The following EDA2R variants were observed in gnomAD, a reference collection of about 807,000 sequenced individuals.
The protein encoded by EDA2R is ectodysplasin A2 receptor, also known as tumor necrosis factor receptor superfamily member 27.
A neutral mutation model predicts 20.1 loss-of-function variants in EDA2R; 26 were observed. The ratio of observed to expected loss-of-function variants is 1.30; its 90% confidence interval spans 0.95 to 1.80. EDA2R has a LOEUF of 1.80. EDA2R is among the 40% of genes most tolerant of loss of function. The probability of loss-of-function intolerance (pLI) is 0.00; values close to 1 mark genes in which losing one functional copy is unlikely to be tolerated. For missense variants in EDA2R, 277 were observed against 228.7 expected (o/e 1.21, Z -1.36); for synonymous variants, 114 against 88.7 (o/e 1.29, Z -1.60).
Position 66,619,937 on chromosome X carries a change from A to G in EDA2R, c.-10-3907T>C, listed in dbSNP as rs924644915. ...TTACTGTGTACATGCCCATGTAAAC[A>G]CCACCCAAATAAATACACAGAACTT... On this transcript the variant is annotated intron_variant, in intron 1 of 6. Transcript: ENST00000374719. Among the ~76,000 whole-genome samples, 4 of 111,467 alleles carry G rather than the reference A, an allele frequency of 3.6e-5. No individual in the cohort carries two copies. The Admixed American group carries it at 3.8e-4, about 11-fold the overall frequency.
intron 2 of EDA2R, among the ~76,000 whole-genome samples, chrX:66,610,477 C>G (rs1930548556): frequency 9.0e-6 from 1 of 111,632 alleles, no homozygotes; most frequent in African/African-American, 3.3e-5. Flanking sequence ...GTGCCTGACT[C>G]CTCACTTACT....
At chrX:66,607,321 T>C (rs1004257274) in intron 2 of EDA2R, among the ~76,000 whole-genome samples, 1 of 112,326 alleles carries the variant, frequency 8.9e-6, no homozygotes, top group Non-Finnish European at 1.9e-5. Context: ...AAACATTAGC[T>C]GAACATGAGC....
At chrX:66,626,355 T>C (rs1337171103) in intron 1 of EDA2R, among the ~76,000 whole-genome samples, 1 of 111,552 alleles carries the variant, frequency 9.0e-6, no homozygotes, top group Non-Finnish European at 1.9e-5. Flanking sequence ...GGACAAACTT[T>C]TAGAAATGCA....
intron 2 of EDA2R, among the ~76,000 whole-genome samples, chrX:66,608,595 AG>A (rs1255646118): frequency 1.8e-5 from 2 of 112,072 alleles, no homozygotes; most frequent in Non-Finnish European, 3.8e-5. Flanking sequence ...TACAGAAAAA[AG>A]TTCTTCAAAA....
In EDA2R at chrX:66,596,672, A is replaced by G. The variant is rs1047021840; in HGVS notation, c.*1432T>C. On this transcript the variant is annotated 3_prime_UTR_variant, in exon 7 of 7. Coordinates refer to ENST00000374719, the MANE Select transcript of EDA2R (RefSeq NM_021783.5). ...CCAAATCATCCCCTGTCTGGATATT[A>G]TTTCTTCTACCAGAAGGTCTAAACA... 2 of 111,095 alleles carry G rather than the reference A, an allele frequency of 1.8e-5. No homozygotes were observed. Among genetic ancestry groups the G allele is most frequent in the Non-Finnish European group, 3.8e-5 (2 of 53,092 alleles). 9.2% of individuals were successfully genotyped at this position (111,095 alleles called of 1,213,427 possible). A position where few individuals can be genotyped will look rare whatever the true frequency, so the allele number is the denominator to read the frequency against.
At chrX:66,611,847 C>A (rs762305070) in intron 2 of EDA2R, among the ~76,000 whole-genome samples, 16 of 110,769 alleles carry the variant, frequency 1.4e-4, no homozygotes, top group African/African-American at 5.2e-4. Flanking sequence ...AGATCCCAAA[C>A]AGAAAAAAAT....
chrX:66,628,451 C>T (rs894299791), intron 1 of EDA2R, among the ~76,000 whole-genome samples: 8 of 110,680 alleles, frequency 7.2e-5, no homozygotes, highest in African/African-American at 2.6e-4. Flanking sequence ...GCAAGATTAA[C>T]CAAGAAAAGA....
intron 1 of EDA2R, among the ~76,000 whole-genome samples, chrX:66,632,437 CAGG>C (rs1367841087): frequency 3.8e-5 from 4 of 104,368 alleles, no homozygotes; most frequent in Admixed American, 1.0e-4. Context: ...GAAGAAGAAG[CAGG>C]AGGAGGAGGA....
chrX:66,618,139 G>A (rs1315228298), intron 1 of EDA2R, among the ~76,000 whole-genome samples: 2 of 112,008 alleles, frequency 1.8e-5, no homozygotes, highest in East Asian at 2.8e-4. Flanking sequence ...CACCCGCCTC[G>A]GCCTCCCAAA....
At chrX:66,614,878 C>A (rs552268844) in intron 2 of EDA2R, among the ~76,000 whole-genome samples, 4 of 111,523 alleles carry the variant, frequency 3.6e-5, no homozygotes, top group Non-Finnish European at 5.6e-5. Context: ...CTCTCTCTGA[C>A]CTCTTTGTGT....
At chrX:66,637,066 C>T (rs1934400739) in intron 1 of EDA2R, among the ~76,000 whole-genome samples, 2 of 111,493 alleles carry the variant, frequency 1.8e-5, no homozygotes, top group African/African-American at 6.5e-5. Flanking sequence ...AAATAGCAGA[C>T]CCAGGACTTG....
chrX:66,611,685 C>T (rs952224564), intron 2 of EDA2R, among the ~76,000 whole-genome samples: 1 of 110,461 alleles, frequency 9.1e-6, no homozygotes, highest in African/African-American at 3.3e-5. Context: ...GCCTCAAGAA[C>T]CTATGAGACT....
At chrX:66,626,801 A>C (rs1295841164) in intron 1 of EDA2R, among the ~76,000 whole-genome samples, 1 of 47,704 alleles carries the variant, frequency 2.1e-5, no homozygotes, top group African/African-American at 1.0e-4. Context: ...AGGGGAGGGG[A>C]GGGGAGGGGA....
At chrX:66,636,783 G>C (rs886878638) in intron 1 of EDA2R, among the ~76,000 whole-genome samples, 1 of 111,207 alleles carries the variant, frequency 9.0e-6, no homozygotes, top group African/African-American at 3.3e-5. Context: ...ACCATGATGT[G>C]AGTACTGTTA....
At chrX:66,621,162 A>G (rs1465608924) in intron 1 of EDA2R, among the ~76,000 whole-genome samples, 1 of 110,517 alleles carries the variant, frequency 9.0e-6, no homozygotes, top group Non-Finnish European at 1.9e-5. Flanking sequence ...CTGTAATCCC[A>G]GCTACTTGGG....
intron 2 of EDA2R, among the ~76,000 whole-genome samples, chrX:66,609,460 C>T (rs1215327406): frequency 3.6e-5 from 4 of 111,583 alleles, no homozygotes; most frequent in African/African-American, 1.3e-4. Context: ...TTTACTCATG[C>T]TCTAAGTTTC....
chrX:66,627,704 G>A (rs751121865), intron 1 of EDA2R, among the ~76,000 whole-genome samples: 13 of 111,985 alleles, frequency 1.2e-4, no homozygotes, highest in Non-Finnish European at 2.3e-4. Flanking sequence ...ATATTCTACT[G>A]ACAGCAGAGA....
At chrX:66,614,255 C>T (rs1396391577) in intron 2 of EDA2R, among the ~76,000 whole-genome samples, 1 of 111,817 alleles carries the variant, frequency 8.9e-6, no homozygotes, top group Non-Finnish European at 1.9e-5. Flanking sequence ...GAGAACAAAA[C>T]AGCAAGATGT....
chrX:66,627,228 CA>C (rs1471223548), intron 1 of EDA2R, among the ~76,000 whole-genome samples: 2 of 111,920 alleles, frequency 1.8e-5, no homozygotes, highest in Non-Finnish European at 3.8e-5. Flanking sequence ...AACAAAAAAG[CA>C]AGATACACAG....
Sources: allele counts gnomAD v4.1 joint callset (sites outside exome capture counted in the v4.1 genomes callset), GRCh38; gene constraint gnomAD v4.1.1; transcripts MANE v1.5; gene names NCBI Gene and HGNC (gene_info 2026-07-23, HGNC 2026-07-21).